The following NALF1 variants were observed in gnomAD, a reference collection of about 807,000 sequenced individuals.
The protein encoded by NALF1 is NALCN channel auxiliary factor 1, also known as family with sequence similarity 155 member A.
A neutral mutation model predicts 48.4 loss-of-function variants in NALF1; 3 were observed. That is an observed-to-expected ratio of 0.06 (90% CI 0.03 to 0.16). NALF1 has a LOEUF of 0.16. NALF1 is among the 10% of genes least tolerant of loss of function. NALF1 has a pLI of 1.00. For missense variants in NALF1, 526 were observed against 571.5 expected (o/e 0.92, Z 0.81); for synonymous variants, 262 against 245.7 (o/e 1.07, Z -0.62).
At chr13:107,396,095 C>A (rs937424668) in intron 1 of NALF1, among the ~76,000 whole-genome samples, 4 of 152,078 alleles carry the variant, frequency 2.6e-5, no homozygotes, top group African/African-American at 9.7e-5. Flanking sequence ...ATGTCTGGTA[C>A]GAGCTCTTTA....
chr13:107,642,705 C>T (rs968845591), intron 1 of NALF1, among the ~76,000 whole-genome samples: 4 of 152,074 alleles, frequency 2.6e-5, no homozygotes, highest in African/African-American at 9.7e-5. Context: ...CAAAGACCCA[C>T]GTTAGATGAT....
At chr13:107,580,229 T>C (rs1878267360) in intron 1 of NALF1, among the ~76,000 whole-genome samples, 1 of 152,148 alleles carries the variant, frequency 6.6e-6, no homozygotes, top group African/African-American at 2.4e-5. Context: ...TTCTCACTCA[T>C]AGGTGGGAAT....
intron 1 of NALF1, among the ~76,000 whole-genome samples, chr13:107,411,850 C>T (rs138030784): frequency 2.0e-5 from 3 of 152,224 alleles, no homozygotes; most frequent in Non-Finnish European, 2.9e-5. Context: ...GGGGCTATTC[C>T]AGGCAGAGAG....
At chr13:107,594,330 A>G (rs1009480813) in intron 1 of NALF1, among the ~76,000 whole-genome samples, 1 of 152,120 alleles carries the variant, frequency 6.6e-6, no homozygotes, top group Non-Finnish European at 1.5e-5. Context: ...TGATTTATGA[A>G]TAACACATAA....
Position 107,690,432 on chromosome 13 carries a change from T to C in NALF1, c.915+175250A>G, listed in dbSNP as rs75745066. 6.2e-3 allele frequency among the ~76,000 whole-genome samples: 939 copies of C among 152,312 alleles called. 7 individuals carry two copies. The highest frequency in any genetic ancestry group is 0.022 in the African/African-American group (899 of 41,576). ...CTTGACTTCCCCAGGGAGAATTCAA[T>C]GTAGGACATCTGGAATGATAGATTT... On this transcript the variant is annotated intron_variant, in intron 1 of 2. Transcript: ENST00000375915.
chr13:107,519,909 C>T (rs944336756), intron 1 of NALF1, among the ~76,000 whole-genome samples: 13 of 152,116 alleles, frequency 8.5e-5, no homozygotes, highest in Admixed American at 2.6e-4. Context: ...AGAGAATGGA[C>T]ATTTTAACAA....
At chr13:107,335,325 G>C (rs1018870292) in intron 1 of NALF1, among the ~76,000 whole-genome samples, 3 of 152,102 alleles carry the variant, frequency 2.0e-5, no homozygotes, top group Admixed American at 6.6e-5. Flanking sequence ...ACTTCTATTG[G>C]GCACTGTCAT....
intron 1 of NALF1, among the ~76,000 whole-genome samples, chr13:107,806,257 CA>C (rs1228262018): frequency 1.3e-5 from 2 of 152,090 alleles, no homozygotes; most frequent in Non-Finnish European, 2.9e-5. Context: ...TTAATGTAGT[CA>C]CTACTGATGT....
chr13:107,779,251 T>C (rs996152300), intron 1 of NALF1, among the ~76,000 whole-genome samples: 1 of 152,262 alleles, frequency 6.6e-6, no homozygotes, highest in Admixed American at 6.5e-5. Flanking sequence ...TCCTAGTTTG[T>C]GGTTTCCTCT....
intron 1 of NALF1, among the ~76,000 whole-genome samples, chr13:107,217,778 T>G (rs1879905833): frequency 1.3e-5 from 2 of 152,172 alleles, no homozygotes; most frequent in African/African-American, 4.8e-5. Context: ...CTGACACCAG[T>G]GCTGCTCGCG....
At chr13:107,775,956 T>C (rs1349525228) in intron 1 of NALF1, among the ~76,000 whole-genome samples, 2 of 152,210 alleles carry the variant, frequency 1.3e-5, no homozygotes, top group African/African-American at 2.4e-5. Context: ...GGTGATATCA[T>C]AGTCCTAAAG....
At chr13:107,798,909 C>A (rs1350601862) in intron 1 of NALF1, among the ~76,000 whole-genome samples, 1 of 152,144 alleles carries the variant, frequency 6.6e-6, no homozygotes, top group East Asian at 1.9e-4. Flanking sequence ...TACATCGTAG[C>A]CTTTTGAGCA....
At chr13:107,541,974 C>T (rs565950420) in intron 1 of NALF1, among the ~76,000 whole-genome samples, 1 of 152,116 alleles carries the variant, frequency 6.6e-6, no homozygotes, top group Admixed American at 6.6e-5. Flanking sequence ...ACCACAACCT[C>T]AAGGTCTCTG....
At position 107,305,088 on chromosome 13, in the gene NALF1, T is replaced by C. The variant is rs143354726; in HGVS notation, c.916-94333A>G. Among the ~76,000 whole-genome samples, 516 of 152,342 alleles carry C rather than the reference T, an allele frequency of 3.4e-3. 6 individuals carry two copies. The highest frequency in any genetic ancestry group is 0.014 in the Middle Eastern group (4 of 294). On this transcript the variant is annotated intron_variant, in intron 1 of 2. Coordinates refer to ENST00000375915, the MANE Select transcript of NALF1 (RefSeq NM_001080396.3). The stretch of plus-strand genomic sequence containing the variant: ...CAACATTTACATTCAAACTTCTGCT[T>C]ACTCCTTATAGTCATAGCCTCACAC...
intron 1 of NALF1, among the ~76,000 whole-genome samples, chr13:107,604,666 T>C (rs1391178072): frequency 6.6e-6 from 1 of 152,200 alleles, no homozygotes; most frequent in African/African-American, 2.4e-5. Flanking sequence ...CCCTCATTAA[T>C]ATTCCATAAT....
chr13:107,410,341 T>A (rs1217607375), intron 1 of NALF1, among the ~76,000 whole-genome samples: 2 of 152,160 alleles, frequency 1.3e-5, no homozygotes, highest in Non-Finnish European at 2.9e-5. Context: ...TGTCTCCTTG[T>A]CTTCCCTGTT....
At chr13:107,451,473 G>C (rs529159126) in intron 1 of NALF1, among the ~76,000 whole-genome samples, 1 of 152,306 alleles carries the variant, frequency 6.6e-6, no homozygotes, top group Non-Finnish European at 1.5e-5. Context: ...TGAGTGTGTG[G>C]ATAAAGAGTG....
intron 1 of NALF1, among the ~76,000 whole-genome samples, chr13:107,823,140 C>A (rs1879406857): frequency 6.6e-6 from 1 of 152,220 alleles, no homozygotes; most frequent in African/African-American, 2.4e-5. Context: ...CTACCTCTTT[C>A]CACTATTTAG....
At chr13:107,562,410 T>C (rs1403726186) in intron 1 of NALF1, among the ~76,000 whole-genome samples, 1 of 152,236 alleles carries the variant, frequency 6.6e-6, no homozygotes, top group Non-Finnish European at 1.5e-5. Flanking sequence ...GATAGGAGAT[T>C]GTAAGCTCTG....
Sources: gnomAD v4.1 joint callset for allele counts (sites outside exome capture counted in the v4.1 genomes callset) on GRCh38, gnomAD v4.1.1 for gene constraint, MANE v1.5 for transcripts, NCBI Gene and HGNC (gene_info 2026-07-23, HGNC 2026-07-21) for gene names.